Variants in PLD5 observed in about 807,000 individuals in gnomAD.
PLD5 encodes the protein phospholipase D family member 5.
In PLD5, 36 loss-of-function variants were observed where a neutral mutation model predicts 61.1. That is an observed-to-expected ratio of 0.59 (90% confidence interval 0.45 to 0.78). The LOEUF is 0.78. PLD5 is among the 30% of genes least tolerant of loss of function. The pLI, the probability that PLD5 is intolerant of heterozygous loss-of-function variation, is 0.00. For missense variants in PLD5, 515 were observed against 644.4 expected, an observed-to-expected ratio of 0.80 and a Z score of 2.17; for synonymous variants, 243 against 242.8, an observed-to-expected ratio of 1.00 and a Z score of -0.01.
At chr1:242,171,030 T>G (rs1310760476) in intron 5 of PLD5, among the ~76,000 whole-genome samples, 1 of 151,854 alleles carries the variant, frequency 6.6e-6, no homozygotes, top group African/African-American at 2.4e-5. Flanking sequence ...ATTTAGGAAA[T>G]ACAGAGAACA....
At chr1:242,524,033 G>T (rs554700589) in intron 1 of PLD5, 55 bp downstream of exon 1, 2 of 1,490,418 alleles carry the variant, frequency 1.3e-6, no homozygotes, top group Non-Finnish European at 8.9e-7. Context: ...CCACCACGGG[G>T]AGGGTGCATG....
At chr1:242,361,989 T>C (rs193071879) in intron 1 of PLD5, among the ~76,000 whole-genome samples, 3,094 of 150,282 alleles carry the variant, frequency 0.021, 38 homozygotes, top group African/African-American at 0.032. Flanking sequence ...TTTTTTGGTA[T>C]AAAAAAATTT....
In PLD5 at chr1:242,085,344, A is replaced by G. The variant is rs1659400349; in HGVS notation, c.*4510T>C. The G allele has an allele frequency of 6.6e-6, 1 of 152,176 alleles. No individual in the cohort carries two copies. Among genetic ancestry groups the G allele is most frequent in the African/African-American group, 2.4e-5 (1 of 41,436 alleles). The allele number at this position is 152,176 out of a possible 1,614,324, so 9.4% of individuals were successfully genotyped here. On this transcript the variant is annotated 3_prime_UTR_variant, in exon 10 of 10. Transcript: ENST00000536534. The stretch of plus-strand genomic sequence containing the variant: ...AAAAATAAGAAAATTTCATTTTTAC[A>G]TCTTCAAGAAACTTCTGAGGAATAC...
intron 2 of PLD5, among the ~76,000 whole-genome samples, chr1:242,341,619 C>G (rs1659837073): frequency 1.4e-5 from 2 of 138,656 alleles, no homozygotes; most frequent in African/African-American, 2.7e-5. Flanking sequence ...TGTGACCAGA[C>G]TTTGGTGATC....
At chr1:242,205,481 T>C (rs572871553) in intron 5 of PLD5, among the ~76,000 whole-genome samples, 6 of 152,358 alleles carry the variant, frequency 3.9e-5, no homozygotes, top group African/African-American at 1.4e-4. Flanking sequence ...CCACCCCTCA[T>C]TTGTTTTAAG....
At chr1:242,448,030 ATTAT>A (rs538224233) in intron 1 of PLD5, among the ~76,000 whole-genome samples, 32 of 152,258 alleles carry the variant, frequency 2.1e-4, no homozygotes, top group Middle Eastern at 3.4e-3. Flanking sequence ...AGATATGTGC[ATTAT>A]TTATTTATTT....
intron 2 of PLD5, among the ~76,000 whole-genome samples, chr1:242,317,793 G>T (rs769022336): frequency 6.6e-6 from 1 of 151,982 alleles, no homozygotes; most frequent in Non-Finnish European, 1.5e-5. Flanking sequence ...TCTATTCCAG[G>T]GCATTCATGA....
intron 5 of PLD5, among the ~76,000 whole-genome samples, chr1:242,126,266 C>T (rs1027864545): frequency 2.0e-5 from 3 of 152,130 alleles, no homozygotes; most frequent in Non-Finnish European, 4.4e-5. Flanking sequence ...CAATGCAATT[C>T]CCATCAAAAT....
At chr1:242,370,381 AAG>A (rs1661565251) in intron 1 of PLD5, among the ~76,000 whole-genome samples, 1 of 152,172 alleles carries the variant, frequency 6.6e-6, no homozygotes, top group Admixed American at 6.6e-5. Context: ...CCTCACTCTT[AAG>A]AGAGTCTCTG....
intron 1 of PLD5, among the ~76,000 whole-genome samples, chr1:242,440,432 T>G (rs1395024855): frequency 6.6e-6 from 1 of 152,196 alleles, no homozygotes; most frequent in African/African-American, 2.4e-5. Flanking sequence ...GTGTAGTTCC[T>G]AAATCATCAG....
intron 1 of PLD5, among the ~76,000 whole-genome samples, chr1:242,426,031 T>C (rs1375171142): frequency 6.6e-6 from 1 of 152,208 alleles, no homozygotes; most frequent in Non-Finnish European, 1.5e-5. Context: ...ACAAACACAT[T>C]GTACTGTTGT....
intron 5 of PLD5, among the ~76,000 whole-genome samples, chr1:242,134,574 C>T (rs1025599): frequency 0.66 from 100,926 of 151,984 alleles, 33,930 homozygotes; most frequent in African/African-American, 0.75. Context: ...AGGAGAAACC[C>T]TGAAGTAGAG....
chr1:242,372,047 C>G (rs1445006974), intron 1 of PLD5, among the ~76,000 whole-genome samples: 1 of 152,092 alleles, frequency 6.6e-6, no homozygotes, highest in Admixed American at 6.6e-5. Flanking sequence ...CTGACAGGCC[C>G]TGGTGTGTGA....
chr1:242,487,017 C>T (rs149473289), intron 1 of PLD5, among the ~76,000 whole-genome samples: 2,004 of 151,918 alleles, frequency 0.013, 59 homozygotes, highest in African/African-American at 0.046. Context: ...ACAATAAGAA[C>T]ACATGGACAC....
chr1:242,235,732 G>A (rs1468712634), intron 4 of PLD5: 1 of 152,142 alleles, frequency 6.6e-6, no homozygotes, highest in Non-Finnish European at 1.5e-5. Context: ...AGCTGTTGGT[G>A]TCCAACTTCC....
At chr1:242,351,726 T>C (rs1276638878) in intron 1 of PLD5, among the ~76,000 whole-genome samples, 2 of 152,214 alleles carry the variant, frequency 1.3e-5, no homozygotes, top group Non-Finnish European at 2.9e-5. Flanking sequence ...AAAAAATGTT[T>C]CTCTCAAAAC....
At chr1:242,394,125 T>A (rs926267817) in intron 1 of PLD5, among the ~76,000 whole-genome samples, 1 of 137,640 alleles carries the variant, frequency 7.3e-6, no homozygotes, top group Non-Finnish European at 1.6e-5. Flanking sequence ...TATATATATG[T>A]GTATATATAT....
intron 2 of PLD5, among the ~76,000 whole-genome samples, chr1:242,317,012 T>G (rs1658054258): frequency 1.3e-5 from 2 of 152,098 alleles, no homozygotes; most frequent in African/African-American, 4.8e-5. Context: ...AGTCTACTTT[T>G]TTTTTTTTTT....
intron 5 of PLD5, among the ~76,000 whole-genome samples, chr1:242,207,884 A>ATTTATATT: frequency 3.5e-5 from 1 of 28,622 alleles, no homozygotes; most frequent in Admixed American, 6.9e-4. Context: ...ATATTTATAT[A>ATTTATATT]TTTATATATA....
Sources: gnomAD v4.1 joint callset for allele counts (sites outside exome capture counted in the v4.1 genomes callset) on GRCh38, gnomAD v4.1.1 for gene constraint, MANE v1.5 for transcripts, NCBI Gene and HGNC (gene_info 2026-07-23, HGNC 2026-07-21) for gene names.